TRDN: variants seen among roughly 807,000 people sequenced by gnomAD.
The protein encoded by TRDN is triadin, also known as triadin in skeletal muscle.
Under a neutral mutation model 149.7 loss-of-function variants are expected in TRDN, and 161 were observed. The observed-to-expected ratio is 1.08, with a 90% CI of 0.95 to 1.23. TRDN has a LOEUF of 1.23. TRDN is among the 50% of genes most tolerant of loss of function. The pLI is 0.00. For synonymous variants in TRDN, 294 were observed against 250.5 expected (o/e 1.17, Z -1.64); for missense variants, 896 against 823.5 (o/e 1.09, Z -1.08).
At chr6:123,284,822 A>G (rs1777742849) in intron 24 of TRDN, among the ~76,000 whole-genome samples, 1 of 152,140 alleles carries the variant, frequency 6.6e-6, no homozygotes, top group Non-Finnish European at 1.5e-5. Flanking sequence ...AAGTTTGAGG[A>G]TACAAAATTA....
At chr6:123,601,638 A>G (rs988867329) in intron 1 of TRDN, among the ~76,000 whole-genome samples, 1 of 152,116 alleles carries the variant, frequency 6.6e-6, no homozygotes, top group African/African-American at 2.4e-5. Context: ...CAGAGAGAAC[A>G]TGTCAGATTT....
intron 1 of TRDN, among the ~76,000 whole-genome samples, chr6:123,592,530 A>G (rs1783834298): frequency 6.6e-6 from 1 of 152,180 alleles, no homozygotes; most frequent in South Asian, 2.1e-4. Flanking sequence ...TATTACAAGG[A>G]ACAGTGAATT....
chr6:123,344,009 A>G (rs1211406018), intron 21 of TRDN, among the ~76,000 whole-genome samples: 1 of 152,076 alleles, frequency 6.6e-6, no homozygotes, highest in Non-Finnish European at 1.5e-5. Flanking sequence ...CTCTTTCTGC[A>G]TGTCAGGATA....
chr6:123,559,477 G>A (rs1781859159), intron 2 of TRDN, among the ~76,000 whole-genome samples: 1 of 151,916 alleles, frequency 6.6e-6, no homozygotes, highest in South Asian at 2.1e-4. Context: ...CCAATCCAAA[G>A]CCTCCTTTGC....
intron 5 of TRDN, chr6:123,529,256 C>T (rs1387598775): frequency 5.2e-6 from 8 of 1,548,700 alleles, no homozygotes; most frequent in African/African-American, 4.1e-5. Context: ...AGTCATGGTT[C>T]GCTTAGTCAA....
At chr6:123,345,627 A>G (rs545812989) in intron 21 of TRDN, among the ~76,000 whole-genome samples, 1 of 152,190 alleles carries the variant, frequency 6.6e-6, no homozygotes, top group Non-Finnish European at 1.5e-5. Context: ...GAATTGTGTT[A>G]AATCTGTAGC....
chr6:123,580,025 G>T (rs9388261), intron 1 of TRDN, among the ~76,000 whole-genome samples: 18,684 of 152,108 alleles, frequency 0.12, 1,249 homozygotes, highest in African/African-American at 0.17. Flanking sequence ...ACAGTCTCAG[G>T]CAGTTCTTTA....
At chr6:123,321,065 A>C (rs1779225137) in intron 23 of TRDN, among the ~76,000 whole-genome samples, 1 of 152,128 alleles carries the variant, frequency 6.6e-6, no homozygotes, top group East Asian at 1.9e-4. Flanking sequence ...GGTCAACCAT[A>C]GGTGAATTTC....
chr6:123,572,554 T>G (rs534251509), intron 1 of TRDN, among the ~76,000 whole-genome samples: 7 of 152,246 alleles, frequency 4.6e-5, no homozygotes, highest in South Asian at 2.1e-4. Flanking sequence ...AACTATTTCA[T>G]GTTACATTTA....
chr6:123,563,915 C>T (rs1782133105), intron 2 of TRDN, among the ~76,000 whole-genome samples: 1 of 152,184 alleles, frequency 6.6e-6, no homozygotes, highest in African/African-American at 2.4e-5. Flanking sequence ...TCAAGTGATT[C>T]TCCCACCTCA....
chr6:123,560,081 C>T (rs896623369), intron 2 of TRDN, among the ~76,000 whole-genome samples: 6 of 152,224 alleles, frequency 3.9e-5, no homozygotes, highest in Non-Finnish European at 8.8e-5. Context: ...GTCCAAACAA[C>T]TTGACCTTAC....
At chr6:123,514,229 G>A (rs1779317283) in intron 6 of TRDN, among the ~76,000 whole-genome samples, 1 of 151,990 alleles carries the variant, frequency 6.6e-6, no homozygotes, top group Non-Finnish European at 1.5e-5. Flanking sequence ...GCTGGGTGTG[G>A]TGGCACATGT....
intron 12 of TRDN, among the ~76,000 whole-genome samples, chr6:123,426,436 G>A (rs1433863805): frequency 2.6e-5 from 4 of 152,110 alleles, no homozygotes; most frequent in Admixed American, 2.6e-4. Flanking sequence ...CTGAGCCCCT[G>A]CTGCATGTGT....
intron 16 of TRDN, among the ~76,000 whole-genome samples, chr6:123,379,372 A>G (rs1781628294): frequency 6.6e-6 from 1 of 152,204 alleles, no homozygotes; most frequent in South Asian, 2.1e-4. Context: ...TGCAGGTCAA[A>G]AAGAAGAAGC....
chr6:123,379,339 A>C (rs1781627314), intron 16 of TRDN, among the ~76,000 whole-genome samples: 1 of 152,204 alleles, frequency 6.6e-6, no homozygotes, highest in Admixed American at 6.5e-5. Flanking sequence ...CAAAAAAATG[A>C]AACAAATGGC....
intron 2 of TRDN, among the ~76,000 whole-genome samples, chr6:123,555,884 A>G (rs548948478): frequency 1.3e-5 from 2 of 152,294 alleles, no homozygotes; most frequent in East Asian, 3.9e-4. Flanking sequence ...CTACTGTGCT[A>G]TAATCTTTGC....
chr6:123,388,430 G>A (rs956129199), intron 14 of TRDN, 92 bp downstream of exon 14: 1 of 1,382,698 alleles, frequency 7.2e-7, no homozygotes. Context: ...TTATCCAAGG[G>A]GAATATAGAC....
intron 21 of TRDN, among the ~76,000 whole-genome samples, chr6:123,344,535 A>T (rs1780184061): frequency 6.6e-6 from 1 of 151,654 alleles, no homozygotes; most frequent in South Asian, 2.1e-4. Context: ...CAACATGTTG[A>T]CTCTTCACAT....
chr6:123,594,632 T>TTA (rs201879484), intron 1 of TRDN, among the ~76,000 whole-genome samples: 4 of 25,388 alleles, frequency 1.6e-4, no homozygotes, highest in African/African-American at 5.4e-4. Flanking sequence ...GAAATTCTGG[T>TTA]TATGTTTGTT....
Sources: allele counts gnomAD v4.1 joint callset (sites outside exome capture counted in the v4.1 genomes callset), GRCh38; gene constraint gnomAD v4.1.1; transcripts MANE v1.5; gene names NCBI Gene and HGNC (gene_info 2026-07-23, HGNC 2026-07-21).